The following AP2A2 variants were observed in gnomAD, a reference collection of about 807,000 sequenced individuals.
AP2A2 encodes the protein adaptor related protein complex 2 subunit alpha 2.
AP2A2 carries 32 observed loss-of-function variants against 104.2 expected under a neutral mutation model. The observed-to-expected ratio is 0.31, with a 90% CI of 0.23 to 0.41. The LOEUF (loss-of-function observed/expected upper bound fraction) is 0.41, where lower values mean the gene tolerates loss of function less well. Among genes scored for constraint, AP2A2 ranks in the 10% least tolerant of loss-of-function variants. The probability of loss-of-function intolerance (pLI) is 1.00; values close to 1 mark genes in which losing one functional copy is unlikely to be tolerated. For synonymous variants in AP2A2, 539 were observed against 533.3 expected, an observed-to-expected ratio of 1.01 and a Z score of -0.15; for missense variants, 912 against 1,261.0, an observed-to-expected ratio of 0.72 and a Z score of 4.19.
chr11:986,869 G>A lies in AP2A2; in HGVS notation c.1047G>A (p.Leu349=), dbSNP rs1164116242. 2 of 1,611,036 alleles carry A rather than the reference G, an allele frequency of 1.2e-6. No homozygotes were observed. The highest frequency in any genetic ancestry group is 2.2e-5 in the East Asian group (1 of 44,800). Residue 349 remains leucine, a synonymous_variant, in exon 9 of 22, where the codon CTG becomes CTA. Coordinates refer to ENST00000448903, the MANE Select transcript of AP2A2 (RefSeq NM_012305.4). ...AGACCAACCTGCGCTACCTGGCCCT[G>A]GAGAGCATGTGCACGCTGGCCAGCT... is the stretch of plus-strand genomic sequence containing the variant. ...HRETNLRYLA[L]ESMCTLASSE... is the part of the protein sequence containing the mutation.
In AP2A2 at chr11:1,009,709, TGAA is replaced by T; in HGVS notation, c.2639_2641del (p.Glu880del). 6.4e-7 allele frequency: 1 copy of T among 1,569,670 alleles called. No homozygotes were observed. Among genetic ancestry groups the T allele is most frequent in the Non-Finnish European group, 8.6e-7 (1 of 1,156,282 alleles). On this transcript the variant is annotated inframe_deletion, in exon 21 of 22. Coordinates refer to ENST00000448903, the MANE Select transcript of AP2A2 (RefSeq NM_012305.4). ...TCATTGGATTTGGTTCTGCACTTCT[TGAA>T]GAAGTTGATCCTAATCCTGCGAATT...
At chr11:1,000,338 G>A in intron 14 of AP2A2, 94 bp from the exon 15 acceptor site, 3 of 1,277,102 alleles carry the variant, frequency 2.3e-6, no homozygotes, top group Non-Finnish European at 2.2e-6. Context: ...GATGCCAAGG[G>A]GGTGCCATGG....
At chr11:986,761 C>T (rs1215767949) in intron 8 of AP2A2, 24 bp from the exon 9 acceptor site, 7 of 1,608,540 alleles carry the variant, frequency 4.4e-6, no homozygotes, top group South Asian at 1.1e-5. Context: ...GGAAACCCCA[C>T]CCACTTCCCC....
At chr11:949,543 G>A (rs1589956550) in intron 1 of AP2A2, among the ~76,000 whole-genome samples, 2 of 152,128 alleles carry the variant, frequency 1.3e-5, no homozygotes, top group African/African-American at 2.4e-5. Flanking sequence ...TTCGGAGGCC[G>A]AGGCGGGTGG....
intron 1 of AP2A2, among the ~76,000 whole-genome samples, chr11:934,181 G>T (rs896728473): frequency 1.3e-5 from 2 of 152,156 alleles, no homozygotes; most frequent in African/African-American, 4.8e-5. Context: ...ACTCCAGGTC[G>T]AGTGGCAGAC....
chr11:968,075 T>C lies in AP2A2; in HGVS notation c.137-2094T>C, dbSNP rs1193727038. ...TGCCCCACCGAGATGGGTGAGGGTG[T>C]GGAGCGAGCATTGCTGCTTGTTTCC... On this transcript the variant is annotated intron_variant, in intron 2 of 21. Transcript: ENST00000448903. The surrounding 1 kb of genome is among the most constrained non-coding windows in gnomAD (Gnocchi z 4.2). 1.3e-5 allele frequency among the ~76,000 whole-genome samples: 2 copies of C among 151,234 alleles called. No individual in the cohort carries two copies. The highest frequency in any genetic ancestry group is 4.9e-5 in the African/African-American group (2 of 40,984).
Position 993,750 on chromosome 11 carries a change from C to T in AP2A2, c.1551-4C>T, listed in dbSNP as rs377746783. The T allele has an allele frequency of 4.4e-6, 7 of 1,583,564 alleles. No homozygotes were observed. Among genetic ancestry groups the T allele is most frequent in the African/African-American group, 1.3e-5 (1 of 74,194 alleles). ...GTCCCTGTGTTGTGCCTCCCCGTCC[C>T]CAGCCCGCTGATCCAGTTCCACCTG... On this transcript the variant is annotated splice_region_variant and splice_polypyrimidine_tract_variant and intron_variant, in intron 12 of 21. Coordinates refer to ENST00000448903, the MANE Select transcript of AP2A2 (RefSeq NM_012305.4). The surrounding 1 kb of genome is among the most constrained non-coding windows in gnomAD (Gnocchi z 8.2).
intron 4 of AP2A2, among the ~76,000 whole-genome samples, chr11:975,913 G>A (rs979074556): frequency 6.6e-6 from 1 of 152,194 alleles, no homozygotes. Context: ...GATTTAGACT[G>A]TGTTCTTCTG....
intron 1 of AP2A2, among the ~76,000 whole-genome samples, chr11:945,699 C>T (rs534304454): frequency 6.6e-6 from 1 of 152,082 alleles, no homozygotes; most frequent in Non-Finnish European, 1.5e-5. Flanking sequence ...GTCTGTAATC[C>T]CAGCACTTTG....
chr11:983,558 A>AT (rs373889662), intron 6 of AP2A2, among the ~76,000 whole-genome samples: 1 of 150,670 alleles, frequency 6.6e-6, no homozygotes, highest in Non-Finnish European at 1.5e-5. Context: ...AATTTTTTGT[A>AT]TTTTTTAGTA....
chr11:985,722 G>A, intron 8 of AP2A2, 140 bp downstream of exon 8: 4 of 1,267,380 alleles, frequency 3.2e-6, no homozygotes, highest in Non-Finnish European at 4.4e-6. Flanking sequence ...CTCCCTGCCG[G>A]ATGCTTTTTT....
At chr11:962,362 G>T (rs1854470342) in intron 2 of AP2A2, among the ~76,000 whole-genome samples, 1 of 152,260 alleles carries the variant, frequency 6.6e-6, no homozygotes, top group Non-Finnish European at 1.5e-5. Flanking sequence ...AATTCGAATG[G>T]GAGGTTTTTA....
chr11:988,037 GC>G (rs1855522309), intron 9 of AP2A2, among the ~76,000 whole-genome samples: 1 of 152,262 alleles, frequency 6.6e-6, no homozygotes, highest in Non-Finnish European at 1.5e-5. Flanking sequence ...TTTGCACACG[GC>G]CAGTGCTAGC....
At chr11:977,771 G>A (rs2134656687) in intron 5 of AP2A2, among the ~76,000 whole-genome samples, 1 of 152,082 alleles carries the variant, frequency 6.6e-6, no homozygotes, top group African/African-American at 2.4e-5. Flanking sequence ...GTGGATGTGG[G>A]CAGAATGTGC....
chr11:954,462 GTTGTAT>G (rs1410688260), intron 1 of AP2A2, among the ~76,000 whole-genome samples: 1 of 152,100 alleles, frequency 6.6e-6, no homozygotes, highest in Non-Finnish European at 1.5e-5. Flanking sequence ...GTGTATATAT[GTTGTAT>G]TTGTGTTTAT....
chr11:979,294 C>T (rs931824340), intron 5 of AP2A2, among the ~76,000 whole-genome samples: 1 of 151,160 alleles, frequency 6.6e-6, no homozygotes, highest in South Asian at 2.1e-4. Flanking sequence ...GGGAATGACT[C>T]TGCCCTCATG....
chr11:947,781 G>A (rs529843549), intron 1 of AP2A2, among the ~76,000 whole-genome samples: 274 of 142,768 alleles, frequency 1.9e-3, no homozygotes, highest in African/African-American at 6.6e-3. Flanking sequence ...GGCAACAAAA[G>A]TGAGACCCCC....
chr11:965,934 G>C (rs1395303920), intron 2 of AP2A2, among the ~76,000 whole-genome samples: 1 of 152,184 alleles, frequency 6.6e-6, no homozygotes, highest in Non-Finnish European at 1.5e-5. Flanking sequence ...TTGACTTCCT[G>C]GGCTCAGGTC....
rs531888638 is a variant in AP2A2, at chr11:975,233, C to G, written c.474-1862C>G. Among the ~76,000 whole-genome samples the G allele has an allele frequency of 2.6e-5, 4 of 151,808 alleles. No individual in the cohort carries two copies. The East Asian group carries it at 7.8e-4, about 29-fold the overall frequency. ...TAGCCGTGGGGTCCTCGGTCTCCCTCGTGTGAGCCGACATTAGCGAGTAGC... is the reference window on the plus strand; with the variant it reads ...TAGCCGTGGGGTCCTCGGTCTCCCTGGTGTGAGCCGACATTAGCGAGTAGC... On this transcript the variant is annotated intron_variant, in intron 4 of 21. Transcript: ENST00000448903.
Sources: allele counts gnomAD v4.1 joint callset (sites outside exome capture counted in the v4.1 genomes callset), GRCh38; gene constraint gnomAD v4.1.1; non-coding constraint Gnocchi (gnomAD v3.1); transcripts MANE v1.5; gene names NCBI Gene and HGNC (gene_info 2026-07-23, HGNC 2026-07-21).